SLC49A4: variants seen among roughly 807,000 people sequenced by gnomAD.
SLC49A4 encodes the protein disrupted in renal cancer protein 2.
A neutral mutation model predicts 50.6 loss-of-function variants in SLC49A4; 36 were observed. The ratio of observed to expected loss-of-function variants is 0.71; its 90% CI spans 0.55 to 0.94. The LOEUF is 0.94. Ranked by LOEUF, SLC49A4 falls within the 40% of genes least tolerant of loss-of-function variation. The probability of loss-of-function intolerance (pLI) is 0.00; values close to 1 mark genes in which losing one functional copy is unlikely to be tolerated. For missense variants in SLC49A4, 503 were observed against 605.7 expected, an observed-to-expected ratio of 0.83 and a Z score of 1.78; for synonymous variants, 248 against 241.2, an observed-to-expected ratio of 1.03 and a Z score of -0.26.
intron 1 of SLC49A4, among the ~76,000 whole-genome samples, chr3:122,800,584 TTGA>T (rs1936116150): frequency 6.6e-6 from 1 of 152,012 alleles, no homozygotes; most frequent in Non-Finnish European, 1.5e-5. Flanking sequence ...AAGGGGAAAA[TTGA>T]TGATGCCGGA....
At chr3:122,825,620 C>T (rs568223210) in intron 2 of SLC49A4, among the ~76,000 whole-genome samples, 1 of 150,116 alleles carries the variant, frequency 6.7e-6, no homozygotes, top group South Asian at 2.1e-4. Context: ...TTCTAACTGG[C>T]TTAAGATGGC....
At chr3:122,856,479 C>A in intron 6 of SLC49A4, 105 bp downstream of exon 6, 1 of 1,069,260 alleles carries the variant, frequency 9.4e-7, no homozygotes, top group Non-Finnish European at 1.4e-6. Flanking sequence ...AAAAGTAAAA[C>A]AAGCAAAGGT....
At position 122,795,333 on chromosome 3, in the gene SLC49A4, A is replaced by T. The variant is rs762285250; in HGVS notation, c.141A>T (p.Val47=). ...LPAAVPGPGR[V]YGRRWLVLLL... ...CGGCGGTCCCGGGTCCCGGGCGGGT[A>T]TACGGGCGCCGCTGGCTGGTGCTGC... The change falls in exon 1 of 9, where the codon GTA becomes GTT. Residue 47 remains valine, a synonymous_variant. Coordinates refer to ENST00000261038, the MANE Select transcript of SLC49A4 (RefSeq NM_032839.3). 1 of 1,541,692 alleles carries T rather than the reference A, an allele frequency of 6.5e-7. No individual in the cohort carries two copies. Among genetic ancestry groups the T allele is most frequent in the Non-Finnish European group, 8.7e-7 (1 of 1,154,216 alleles).
chr3:122,845,735 A>G, intron 4 of SLC49A4, 28 bp from the exon 5 acceptor site: 1 of 1,362,764 alleles, frequency 7.3e-7, no homozygotes, highest in Admixed American at 2.1e-5. Flanking sequence ...AATTTGTTAC[A>G]ATGTTTCCTT....
At chr3:122,853,457 A>G (rs1164386802) in intron 5 of SLC49A4, among the ~76,000 whole-genome samples, 1 of 152,192 alleles carries the variant, frequency 6.6e-6, no homozygotes, top group Non-Finnish European at 1.5e-5. Context: ...TGTAGCACCC[A>G]TTTAAATGAT....
At chr3:122,839,477 G>A (rs971821479) in intron 4 of SLC49A4, among the ~76,000 whole-genome samples, 1 of 151,984 alleles carries the variant, frequency 6.6e-6, no homozygotes, top group African/African-American at 2.4e-5. Flanking sequence ...GAAAATATTT[G>A]CAAACTCTGT....
chr3:122,801,651 G>A (rs548221728), intron 1 of SLC49A4, among the ~76,000 whole-genome samples: 2 of 152,328 alleles, frequency 1.3e-5, no homozygotes, highest in East Asian at 3.9e-4. Context: ...GATAAGGTCA[G>A]AGTATAACCA....
chr3:122,805,340 C>T (rs1203794063), intron 1 of SLC49A4, among the ~76,000 whole-genome samples: 1 of 152,108 alleles, frequency 6.6e-6, no homozygotes, highest in Non-Finnish European at 1.5e-5. Flanking sequence ...TAATTCAGTT[C>T]ATATCACAAA....
At chr3:122,813,577 C>T (rs554309431) in intron 2 of SLC49A4, among the ~76,000 whole-genome samples, 3 of 152,014 alleles carry the variant, frequency 2.0e-5, no homozygotes, top group South Asian at 2.1e-4. Flanking sequence ...CAAAGTAGAC[C>T]GAGTTGAAAT....
At chr3:122,861,189 A>T (rs1211334604) in intron 7 of SLC49A4, among the ~76,000 whole-genome samples, 1 of 152,178 alleles carries the variant, frequency 6.6e-6, no homozygotes, top group Non-Finnish European at 1.5e-5. Context: ...TAGCAACCTT[A>T]GTCCCATTTC....
chr3:122,870,762 C>T (rs1285950009), intron 7 of SLC49A4, among the ~76,000 whole-genome samples: 2 of 150,856 alleles, frequency 1.3e-5, no homozygotes, highest in Non-Finnish European at 3.0e-5. Context: ...GGCAGTGAGC[C>T]GAGATCACAC....
At chr3:122,848,571 T>C (rs1041976959) in intron 5 of SLC49A4, among the ~76,000 whole-genome samples, 18 of 152,182 alleles carry the variant, frequency 1.2e-4, no homozygotes, top group African/African-American at 4.3e-4. Context: ...GAATGATGCT[T>C]TATAATTTTC....
At chr3:122,829,096 C>G (rs771527037) in intron 3 of SLC49A4, among the ~76,000 whole-genome samples, 17 of 152,288 alleles carry the variant, frequency 1.1e-4, no homozygotes, top group Non-Finnish European at 2.1e-4. Flanking sequence ...GTTAGAGATT[C>G]TTAAATTATT....
intron 4 of SLC49A4, among the ~76,000 whole-genome samples, chr3:122,840,677 A>G (rs1936758588): frequency 6.6e-6 from 1 of 152,152 alleles, no homozygotes; most frequent in Non-Finnish European, 1.5e-5. Flanking sequence ...GCACATGTCA[A>G]TTTGGACATT....
intron 5 of SLC49A4, 30 bp downstream of exon 5, chr3:122,845,901 G>A: frequency 6.7e-7 from 1 of 1,502,150 alleles, no homozygotes; most frequent in Non-Finnish European, 9.1e-7. Context: ...ATATGTTGTA[G>A]GTATTTTTGT....
At chr3:122,855,024 C>T (rs532137360) in intron 5 of SLC49A4, among the ~76,000 whole-genome samples, 56 of 151,282 alleles carry the variant, frequency 3.7e-4, no homozygotes, top group Non-Finnish European at 6.3e-4. Context: ...ACCCGGGAGG[C>T]GGAGCTTACA....
chr3:122,867,729 C>A (rs1937137240), intron 7 of SLC49A4, among the ~76,000 whole-genome samples: 1 of 152,232 alleles, frequency 6.6e-6, no homozygotes, highest in African/African-American at 2.4e-5. Context: ...CGCCTGTAAT[C>A]CCAGCACTTT....
intron 7 of SLC49A4, among the ~76,000 whole-genome samples, chr3:122,866,078 C>G (rs777099857): frequency 2.6e-5 from 4 of 152,128 alleles, no homozygotes; most frequent in Non-Finnish European, 5.9e-5. Flanking sequence ...GTTGTCCAAG[C>G]TGGAGTACAC....
In SLC49A4 at chr3:122,838,628, G is replaced by A. The variant is rs1936726094; in HGVS notation, c.833+5182G>A. On this transcript the variant is annotated intron_variant, in intron 4 of 8. Coordinates refer to ENST00000261038, the MANE Select transcript of SLC49A4 (RefSeq NM_032839.3). Reference sequence around the variant, plus strand: ...GCTAAATGACGAGTTAATGGGTGCAGCACACCAACATGGCACATGTATACA... The same window carrying A: ...GCTAAATGACGAGTTAATGGGTGCAACACACCAACATGGCACATGTATACA... Among the ~76,000 whole-genome samples, 4 of 151,900 alleles carry A rather than the reference G, an allele frequency of 2.6e-5. No individual in the cohort carries two copies. In the South Asian group the frequency reaches 8.3e-4, roughly 32 times the overall value.
Sources: allele counts gnomAD v4.1 joint callset (sites outside exome capture counted in the v4.1 genomes callset), GRCh38; gene constraint gnomAD v4.1.1; transcripts MANE v1.5; gene names NCBI Gene and HGNC (gene_info 2026-07-23, HGNC 2026-07-21).